The following FOXP2 variants were observed in gnomAD, a reference collection of about 807,000 sequenced individuals.
FOXP2 encodes the protein forkhead box P2.
FOXP2 carries 12 observed loss-of-function variants against 115.8 expected under a neutral mutation model. The ratio of observed to expected loss-of-function variants is 0.10; its 90% CI spans 0.07 to 0.17. FOXP2 has a LOEUF of 0.17. FOXP2 is among the 10% of genes least tolerant of loss of function. The probability of loss-of-function intolerance (pLI) is 1.00; values close to 1 mark genes in which losing one functional copy is unlikely to be tolerated. For missense variants in FOXP2, 629 were observed against 843.5 expected (o/e 0.75, Z 3.15); for synonymous variants, 328 against 297.7 (o/e 1.10, Z -1.05).
At chr7:114,382,259 G>A (rs1009163158) in intron 2 of FOXP2, among the ~76,000 whole-genome samples, 3 of 152,172 alleles carry the variant, frequency 2.0e-5, no homozygotes, top group Non-Finnish European at 4.4e-5. Flanking sequence ...TTACCCTTCT[G>A]ACCCTCAATG....
At chr7:114,530,379 T>C (rs566612264) in intron 2 of FOXP2, among the ~76,000 whole-genome samples, 2 of 152,044 alleles carry the variant, frequency 1.3e-5, no homozygotes, top group South Asian at 4.1e-4. Context: ...CGCTGTGCTG[T>C]TTATACATTG....
intron 1 of FOXP2, among the ~76,000 whole-genome samples, chr7:114,269,889 T>C (rs527893616): frequency 1.1e-4 from 17 of 152,314 alleles, no homozygotes; most frequent in Non-Finnish European, 2.2e-4. Context: ...CTCTCCATCA[T>C]TGATTCTTCA....
intron 3 of FOXP2, among the ~76,000 whole-genome samples, chr7:114,543,756 T>G (rs1799794563): frequency 6.6e-6 from 1 of 152,192 alleles, no homozygotes; most frequent in African/African-American, 2.4e-5. Context: ...AGAGATCACA[T>G]GTAAATAACC....
chr7:114,441,093 C>A (rs1195932782), intron 2 of FOXP2, among the ~76,000 whole-genome samples: 1 of 151,982 alleles, frequency 6.6e-6, no homozygotes, highest in Non-Finnish European at 1.5e-5. Flanking sequence ...GTTTTTTATC[C>A]ATGTGTACAT....
At chr7:114,462,277 GAAAAAAAAA>G (rs766244858) in intron 2 of FOXP2, among the ~76,000 whole-genome samples, 21 of 20,800 alleles carry the variant, frequency 1.0e-3, no homozygotes, top group African/African-American at 2.7e-3. Flanking sequence ...GAGACTCCGT[GAAAAAAAAA>G]AAAAAAAAAA....
intron 1 of FOXP2, among the ~76,000 whole-genome samples, chr7:114,146,433 T>A (rs1272075594): frequency 6.6e-6 from 1 of 152,162 alleles, no homozygotes; most frequent in Non-Finnish European, 1.5e-5. Flanking sequence ...CAATGAATGT[T>A]TATAGAATTA....
chr7:114,569,331 C>A lies in FOXP2; in HGVS notation c.258+34625C>A, dbSNP rs41311772. 8.6e-3 allele frequency among the ~76,000 whole-genome samples: 1,299 copies of A among 151,912 alleles called. 9 individuals carry two copies. The highest frequency in any genetic ancestry group is 0.012 in the Non-Finnish European group (833 of 67,858). ...TTGCCTGCAATTAGCATATTTCAAC[C>A]TTATTTTTAGGTTTAAATTGCAGTG... On this transcript the variant is annotated intron_variant, in intron 3 of 16. Coordinates refer to ENST00000350908, the MANE Select transcript of FOXP2 (RefSeq NM_014491.4).
At chr7:114,152,406 C>T (rs1299996373) in intron 1 of FOXP2, among the ~76,000 whole-genome samples, 1 of 152,188 alleles carries the variant, frequency 6.6e-6, no homozygotes, top group Non-Finnish European at 1.5e-5. Flanking sequence ...CATACTTCTA[C>T]AGATGGTAGA....
At chr7:114,537,514 CT>C (rs1799455708) in intron 3 of FOXP2, among the ~76,000 whole-genome samples, 1 of 151,544 alleles carries the variant, frequency 6.6e-6, no homozygotes, top group African/African-American at 2.4e-5. Flanking sequence ...TAACATTCAC[CT>C]GAATTTCTTT....
intron 2 of FOXP2, among the ~76,000 whole-genome samples, chr7:114,491,127 G>A (rs1157762482): frequency 1.3e-5 from 2 of 152,182 alleles, no homozygotes; most frequent in Admixed American, 1.3e-4. Flanking sequence ...CACCAACAGT[G>A]TAACAGTGTT....
chr7:114,156,689 C>T (rs1235461723), intron 1 of FOXP2, among the ~76,000 whole-genome samples: 1 of 152,100 alleles, frequency 6.6e-6, no homozygotes, highest in Non-Finnish European at 1.5e-5. Flanking sequence ...GGTCATGGTA[C>T]TCATATTTGG....
intron 1 of FOXP2, among the ~76,000 whole-genome samples, chr7:114,176,226 CTTGTCT>C (rs1430903709): frequency 1.7e-4 from 25 of 147,104 alleles, no homozygotes; most frequent in African/African-American, 5.8e-4. Context: ...CTTGTCTTGT[CTTGTCT>C]TTTCTTTCTT....
intron 2 of FOXP2, among the ~76,000 whole-genome samples, chr7:114,459,748 T>A (rs745876990): frequency 6.6e-6 from 1 of 152,096 alleles, no homozygotes; most frequent in Admixed American, 6.6e-5. Flanking sequence ...TCCGGGTAGC[T>A]GGGATTACAA....
At chr7:114,332,407 G>A (rs1281225106) in intron 2 of FOXP2, among the ~76,000 whole-genome samples, 1 of 152,062 alleles carries the variant, frequency 6.6e-6, no homozygotes, top group East Asian at 1.9e-4. Context: ...TGCTGCATGA[G>A]GAGGGTTCTC....
intron 2 of FOXP2, among the ~76,000 whole-genome samples, chr7:114,518,790 GC>G (rs1798471615): frequency 1.3e-5 from 2 of 152,274 alleles, no homozygotes; most frequent in East Asian, 3.9e-4. Context: ...ATGGGCATGA[GC>G]CACCATGCTT....
At chr7:114,509,083 A>G (rs1259716165) in intron 2 of FOXP2, among the ~76,000 whole-genome samples, 3 of 152,032 alleles carry the variant, frequency 2.0e-5, no homozygotes, top group Non-Finnish European at 4.4e-5. Context: ...TGCTTTCTCT[A>G]TTTGAGGTTT....
intron 1 of FOXP2, among the ~76,000 whole-genome samples, chr7:114,126,722 G>A (rs570585596): frequency 6.6e-6 from 1 of 152,220 alleles, no homozygotes; most frequent in South Asian, 2.1e-4. Context: ...AGATTTGTAT[G>A]AATGAGTAGG....
At chr7:114,326,635 A>G (rs1170920436) in intron 2 of FOXP2, among the ~76,000 whole-genome samples, 1 of 152,158 alleles carries the variant, frequency 6.6e-6, no homozygotes, top group Non-Finnish European at 1.5e-5. Context: ...AATCCAAAGT[A>G]AAGATTAGCA....
chr7:114,196,969 A>G (rs912554729), intron 1 of FOXP2, among the ~76,000 whole-genome samples: 3 of 152,156 alleles, frequency 2.0e-5, no homozygotes, highest in African/African-American at 4.8e-5. Flanking sequence ...AGGTGGAAGG[A>G]TTACTTGAGC....
Sources: gnomAD v4.1 joint callset for allele counts (sites outside exome capture counted in the v4.1 genomes callset) on GRCh38, gnomAD v4.1.1 for gene constraint, MANE v1.5 for transcripts, NCBI Gene and HGNC (gene_info 2026-07-23, HGNC 2026-07-21) for gene names.